Variants in SAE1 observed in about 807,000 individuals in gnomAD.
SAE1 encodes SUMO-activating enzyme subunit 1.
A neutral mutation model predicts 40.6 loss-of-function variants in SAE1; 11 were observed. That is an observed-to-expected ratio of 0.27 (90% CI 0.17 to 0.45). SAE1 has a LOEUF of 0.45. SAE1 is among the 20% of genes least tolerant of loss of function. The pLI, the probability that SAE1 is intolerant of heterozygous loss-of-function variation, is 1.00. For synonymous variants in SAE1, 155 were observed against 154.3 expected, an observed-to-expected ratio of 1.00 and a Z score of -0.03; for missense variants, 373 against 427.3, an observed-to-expected ratio of 0.87 and a Z score of 1.12.
At chr19:47,133,862 G>GT (rs2058162394) in intron 1 of SAE1, among the ~76,000 whole-genome samples, 1 of 148,792 alleles carries the variant, frequency 6.7e-6, no homozygotes, top group Non-Finnish European at 1.5e-5. Context: ...TGTTTTTTTT[G>GT]TTTGTTTTTT....
chr19:47,172,331 G>C (rs2058439777), intron 6 of SAE1, among the ~76,000 whole-genome samples: 1 of 152,224 alleles, frequency 6.6e-6, no homozygotes, highest in Non-Finnish European at 1.5e-5. Context: ...CCTCTTGATA[G>C]TGGGATCAGG....
At chr19:47,153,504 TA>T (rs2058300627) in intron 4 of SAE1, among the ~76,000 whole-genome samples, 1 of 152,168 alleles carries the variant, frequency 6.6e-6, no homozygotes, top group South Asian at 2.1e-4. Flanking sequence ...ATTGTAAAAC[TA>T]TATGAGTTAG....
At chr19:47,160,837 T>A (rs2058355529) in intron 5 of SAE1, among the ~76,000 whole-genome samples, 1 of 152,150 alleles carries the variant, frequency 6.6e-6, no homozygotes, top group Non-Finnish European at 1.5e-5. Context: ...CCAATCCTGC[T>A]AATTATTAAT....
intron 8 of SAE1, among the ~76,000 whole-genome samples, chr19:47,208,433 T>A (rs1239122501): frequency 6.6e-6 from 1 of 150,982 alleles, no homozygotes; most frequent in Non-Finnish European, 1.5e-5. Context: ...CTAATTTATG[T>A]CATTTTTCTT....
In SAE1 at chr19:47,130,837, TC is replaced by T; in HGVS notation, c.-92del. 6.5e-7 allele frequency: 1 copy of T among 1,537,542 alleles called. No homozygotes were observed. The highest frequency in any genetic ancestry group is 8.8e-7 in the Non-Finnish European group (1 of 1,141,736). On this transcript the variant is annotated 5_prime_UTR_variant, in exon 1 of 9. Coordinates refer to ENST00000270225, the MANE Select transcript of SAE1 (RefSeq NM_005500.3). The stretch of plus-strand genomic sequence containing the variant: ...AGGGTCTGCGCATGCGCAGAAGCAC[TC>T]CGGGCGTGCTGCCGGCGGCGGTAGG...
At chr19:47,160,388 ATTTTT>A (rs34266912) in intron 5 of SAE1, among the ~76,000 whole-genome samples, 1 of 75,080 alleles carries the variant, frequency 1.3e-5, no homozygotes, top group African/African-American at 4.9e-5. Context: ...CGCCCAGCTA[ATTTTT>A]TTTTTTTTTT....
At chr19:47,208,561 C>T (rs562417003) in intron 8 of SAE1, among the ~76,000 whole-genome samples, 69 of 152,314 alleles carry the variant, frequency 4.5e-4, no homozygotes, top group African/African-American at 1.6e-3. Context: ...CTGCCTCAGC[C>T]TCCCGAGTAG....
At position 47,197,341 on chromosome 19, in the gene SAE1, G is replaced by T. The variant is rs1341872782; in HGVS notation, c.842G>T (p.Gly281Val). ...QIRNDVLDSLGISPDLLPEDF... is the reference protein window; with the variant it reads ...QIRNDVLDSLVISPDLLPEDF... ...CGAAATGATGTGCTTGACTCACTGG[G>T]TATTAGTCCTGACCTGCTTCCTGAG... Residue 281 changes from glycine (G) to valine (V), a missense_variant, in exon 7 of 9, where the codon GGT becomes GTT. Gly to Val is a moderately radical substitution (Grantham distance 109, BLOSUM62 -3). Transcript: ENST00000270225. 5 of 1,613,950 alleles carry T rather than the reference G, an allele frequency of 3.1e-6. No individual in the cohort carries two copies. The highest frequency in any genetic ancestry group is 4.2e-6 in the Non-Finnish European group (5 of 1,179,970).
chr19:47,194,786 A>G (rs926627551), intron 6 of SAE1, among the ~76,000 whole-genome samples: 2 of 136,826 alleles, frequency 1.5e-5, no homozygotes, highest in Non-Finnish European at 3.0e-5. Context: ...GTTACGCTCT[A>G]TCGCACAGGC....
intron 7 of SAE1, among the ~76,000 whole-genome samples, chr19:47,202,909 C>CAAAAAAAAAAAAAAAAAAAAAAAAAAA (rs977786308): frequency 2.0e-5 from 3 of 152,094 alleles, no homozygotes; most frequent in South Asian, 2.1e-4. Flanking sequence ...GACTCCGTCT[C>CAAAAAAAAAAAAAAAAAAAAAAAAAAA]AAAAAAAGTC....
chr19:47,172,257 A>T (rs1005357825), intron 6 of SAE1, among the ~76,000 whole-genome samples: 2 of 152,246 alleles, frequency 1.3e-5, no homozygotes, highest in African/African-American at 4.8e-5. Flanking sequence ...CCATTTGTGT[A>T]GAAATAAATG....
At chr19:47,197,699 C>G (rs2058625229) in intron 7 of SAE1, among the ~76,000 whole-genome samples, 1 of 152,164 alleles carries the variant, frequency 6.6e-6, no homozygotes, top group South Asian at 2.1e-4. Flanking sequence ...CAGATCAGTA[C>G]ATAGTTTGCT....
At chr19:47,140,265 C>A (rs1185232649) in intron 1 of SAE1, among the ~76,000 whole-genome samples, 2 of 151,996 alleles carry the variant, frequency 1.3e-5, no homozygotes, top group East Asian at 3.9e-4. Context: ...CGCCACCATG[C>A]CCAGCTAATT....
At chr19:47,164,069 T>G (rs2909902) in intron 5 of SAE1, among the ~76,000 whole-genome samples, 5 of 152,292 alleles carry the variant, frequency 3.3e-5, no homozygotes, top group African/African-American at 9.6e-5. Flanking sequence ...GCACCTGGCT[T>G]GTATATGTGT....
At chr19:47,142,348 C>A (rs2058227368) in intron 1 of SAE1, among the ~76,000 whole-genome samples, 1 of 150,474 alleles carries the variant, frequency 6.6e-6, no homozygotes, top group Non-Finnish European at 1.5e-5. Flanking sequence ...CACGCCACTG[C>A]ACTCCAGCCT....
intron 5 of SAE1, among the ~76,000 whole-genome samples, chr19:47,165,908 T>C (rs1449805465): frequency 6.6e-6 from 1 of 152,236 alleles, no homozygotes; most frequent in African/African-American, 2.4e-5. Flanking sequence ...ATTGTCATTA[T>C]GTGTATCTGC....
intron 4 of SAE1, among the ~76,000 whole-genome samples, chr19:47,153,511 G>A (rs1045805533): frequency 2.0e-5 from 3 of 152,152 alleles, no homozygotes; most frequent in Non-Finnish European, 4.4e-5. Flanking sequence ...AACTATATGA[G>A]TTAGGTATTT....
At chr19:47,206,967 C>T (rs983024051) in intron 8 of SAE1, among the ~76,000 whole-genome samples, 1 of 152,200 alleles carries the variant, frequency 6.6e-6, no homozygotes, top group African/African-American at 2.4e-5. Flanking sequence ...TCCTTAATGT[C>T]TAGCTGAATA....
chr19:47,142,674 C>G (rs576654177), intron 1 of SAE1: 1 of 152,358 alleles, frequency 6.6e-6, no homozygotes, highest in South Asian at 2.1e-4. Flanking sequence ...ATTCCTGTCC[C>G]TAGAACATGC....
Sources: gnomAD v4.1 joint callset for allele counts (sites outside exome capture counted in the v4.1 genomes callset) on GRCh38, gnomAD v4.1.1 for gene constraint, MANE v1.5 for transcripts, NCBI Gene and HGNC (gene_info 2026-07-23, HGNC 2026-07-21) for gene names.